Variants in PDCD4 observed in about 807,000 individuals in gnomAD.
PDCD4 encodes programmed cell death 4.
Under a neutral mutation model 54.0 loss-of-function variants are expected in PDCD4, and 56 were observed. The observed-to-expected ratio is 1.04, with a 90% CI of 0.84 to 1.30. PDCD4 has a LOEUF of 1.30. Ranked by LOEUF, PDCD4 falls within the 50% of genes most tolerant of loss-of-function variation. The pLI is 0.00. For missense variants in PDCD4, 584 were observed against 559.8 expected (o/e 1.04, Z -0.44); for synonymous variants, 186 against 194.8 (o/e 0.95, Z 0.37).
intron 8 of PDCD4, among the ~76,000 whole-genome samples, chr10:110,891,875 G>A (rs186428528): frequency 6.6e-6 from 1 of 152,270 alleles, no homozygotes. Flanking sequence ...AGGCAGGAAA[G>A]ATAAAAGGCA....
At position 110,897,910 on chromosome 10, in the gene PDCD4, G is replaced by A. The variant is rs1845868589; in HGVS notation, c.1350-118G>A. On this transcript the variant is annotated intron_variant, in intron 11 of 11. Transcript: ENST00000280154. ...TAGAGGCATGCTTTTTTTTTTTAAT[G>A]GAAAACCCTTTAAAAGCTAACACGT... 1.1e-5 allele frequency: 6 copies of A among 530,594 alleles called. No homozygotes were observed. In the Admixed American group the frequency reaches 1.8e-4, roughly 16 times the overall value. The allele number at this position is 530,594 out of a possible 1,614,324, so 32.9% of individuals were successfully genotyped here.
intron 3 of PDCD4, 26 bp downstream of exon 3, chr10:110,881,561 T>C (rs929445249): frequency 2.6e-6 from 4 of 1,567,816 alleles, no homozygotes; most frequent in Admixed American, 3.8e-5. Flanking sequence ...GTCCAACAAA[T>C]GGAAGATAAA....
intron 1 of PDCD4, 57 bp from the exon 2 acceptor site, chr10:110,875,909 T>A: frequency 1.4e-6 from 1 of 711,214 alleles, no homozygotes; most frequent in Non-Finnish European, 2.3e-6. Context: ...TTAATTCAGC[T>A]TAATTACATC....
chr10:110,894,484 T>C lies in PDCD4; in HGVS notation c.1171T>C (p.Trp391Arg). Residue 391 changes from tryptophan to arginine, a missense_variant, in exon 10 of 12, where the codon TGG (tryptophan) becomes CGG (arginine). Coordinates refer to ENST00000280154, the MANE Select transcript of PDCD4 (RefSeq NM_014456.5). ...KMILDLLKSL[W>R]KSSTITVDQM... Reference sequence around the variant, plus strand: ...GATTTTGGATTTATTAAAGTCCCTTTGGAAGTCTTCTACCATTACTGTAGA... The same window carrying C: ...GATTTTGGATTTATTAAAGTCCCTTCGGAAGTCTTCTACCATTACTGTAGA... The C allele has an allele frequency of 6.4e-7, 1 of 1,562,316 alleles. No individual in the cohort carries two copies. The highest frequency in any genetic ancestry group is 8.8e-7 in the Non-Finnish European group (1 of 1,134,708).
intron 8 of PDCD4, among the ~76,000 whole-genome samples, chr10:110,891,406 CAAAA>C (rs376743141): frequency 2.9e-5 from 2 of 68,706 alleles, no homozygotes; most frequent in Non-Finnish European, 5.0e-5. Flanking sequence ...GACTCTGTCT[CAAAA>C]AAAAAAAAAA....
chr10:110,892,122 A>G lies in PDCD4; in HGVS notation c.990+1452A>G, dbSNP rs375207112. Among the ~76,000 whole-genome samples, 27 of 152,346 alleles carry G rather than the reference A, an allele frequency of 1.8e-4. No individual in the cohort carries two copies. The East Asian group carries it at 5.0e-3, about 28-fold the overall frequency. ...TATTGCATTTGTGATAGCATCAAAA[A>G]TAAAATACTTAGGAATAAATTTAAC... is the stretch of plus-strand genomic sequence containing the variant. On this transcript the variant is annotated intron_variant, in intron 8 of 11. Coordinates refer to ENST00000280154, the MANE Select transcript of PDCD4 (RefSeq NM_014456.5).
In PDCD4 at chr10:110,894,141, T is replaced by C; in HGVS notation, c.1041T>C (p.Ala347=). Residue 347 remains alanine, a synonymous_variant, in exon 9 of 12, where the codon GCT becomes GCC. Transcript: ENST00000280154. ...EYLLSGDISE[A]EHCLKELEVP... ...TACTCTCTGGAGACATATCTGAAGC[T>C]GAACATTGCCTTAAGGAACTGGAAG... 6.2e-7 allele frequency: 1 copy of C among 1,610,226 alleles called. No homozygotes were observed.
At chr10:110,897,952 G>A (rs1845870176) in intron 11 of PDCD4, 76 bp from the exon 12 acceptor site, 3 of 1,054,848 alleles carry the variant, frequency 2.8e-6, no homozygotes, top group South Asian at 3.7e-5. Flanking sequence ...AAAATACCAA[G>A]TTTTTAATTT....
chr10:110,874,189 G>T (rs1027799805), intron 1 of PDCD4, among the ~76,000 whole-genome samples: 4 of 152,142 alleles, frequency 2.6e-5, no homozygotes, highest in Non-Finnish European at 4.4e-5. Context: ...ATACCTACCC[G>T]AAGGTTTTTC....
In PDCD4 at chr10:110,898,420, AGTGTTTTTT is replaced by A. The variant is rs1168667096; in HGVS notation, c.*335_*343del. ...ACTGCCACTCCTTTCTTTCAAGGAC[AGTGTTTTTT>A]GTAGTAAAATCACTGGTTTATACAA... is the stretch of plus-strand genomic sequence containing the variant. On this transcript the variant is annotated 3_prime_UTR_variant, in exon 12 of 12. Coordinates refer to ENST00000280154, the MANE Select transcript of PDCD4 (RefSeq NM_014456.5). The A allele has an allele frequency of 5.4e-6, 1 of 185,084 alleles. No individual in the cohort carries two copies. The highest frequency in any genetic ancestry group is 1.1e-5 in the Non-Finnish European group (1 of 89,964). The allele number at this position is 185,084 out of a possible 1,614,324, so 11.5% of individuals were successfully genotyped here.
At chr10:110,880,544 C>T (rs1845574647) in intron 2 of PDCD4, 1 of 152,176 alleles carries the variant, frequency 6.6e-6, no homozygotes, top group South Asian at 2.1e-4. Flanking sequence ...GTTGGCTTTT[C>T]TTGAAAGCAA....
intron 9 of PDCD4, 24 bp from the exon 10 acceptor site, chr10:110,894,388 T>C: frequency 8.0e-7 from 1 of 1,255,636 alleles, no homozygotes; most frequent in Non-Finnish European, 1.2e-6. Flanking sequence ...TAACCAAAAA[T>C]TCACTCATTG....
intron 11 of PDCD4, 26 bp from the exon 12 acceptor site, chr10:110,898,002 C>T: frequency 6.5e-7 from 1 of 1,533,964 alleles, no homozygotes; most frequent in Non-Finnish European, 8.9e-7. Context: ...TATCTGTTTT[C>T]ATGTCTTTTT....
At chr10:110,883,156 T>C (rs1366171558) in intron 4 of PDCD4, 59 bp downstream of exon 4, 3 of 1,121,728 alleles carry the variant, frequency 2.7e-6, no homozygotes, top group African/African-American at 1.6e-5. Context: ...TTTGACTTCA[T>C]GTTTGTAGTT....
chr10:110,880,107 A>G (rs1332321991), intron 2 of PDCD4, among the ~76,000 whole-genome samples: 4 of 152,236 alleles, frequency 2.6e-5, no homozygotes, highest in Non-Finnish European at 5.9e-5. Flanking sequence ...CTTTCAGGGC[A>G]AAGCCAAGTG....
intron 5 of PDCD4, among the ~76,000 whole-genome samples, chr10:110,885,568 TTTTG>T (rs796227983): frequency 1.4e-4 from 22 of 152,152 alleles, no homozygotes; most frequent in African/African-American, 5.3e-4. Flanking sequence ...CTGTGTGCCA[TTTTG>T]TTCTCTGAAA....
chr10:110,889,614 G>A lies in PDCD4; in HGVS notation c.859G>A (p.Asp287Asn). 6.3e-7 allele frequency: 1 copy of A among 1,588,064 alleles called. No homozygotes were observed. Among genetic ancestry groups the A allele is most frequent in the Non-Finnish European group, 8.6e-7 (1 of 1,157,062 alleles). ...TYIDSYKGTV[D>N]CVQARAALDK... is the part of the protein sequence containing the mutation. ...TATTGATAGTTACAAAGGAACTGTA[G>A]ATTGTGTGCAGGCTAGGTAAGTAAA... The change falls in exon 7 of 12, where the codon GAT becomes AAT. Residue 287 changes from aspartate (D) to asparagine (N), a missense_variant. Coordinates refer to ENST00000280154, the MANE Select transcript of PDCD4 (RefSeq NM_014456.5).
At chr10:110,875,546 G>A (rs1415501236) in intron 1 of PDCD4, among the ~76,000 whole-genome samples, 1 of 152,018 alleles carries the variant, frequency 6.6e-6, no homozygotes, top group Non-Finnish European at 1.5e-5. Context: ...TTTTTATTTT[G>A]GAGTAGTTCT....
intron 8 of PDCD4, among the ~76,000 whole-genome samples, chr10:110,892,886 A>G (rs923122802): frequency 6.6e-6 from 1 of 152,166 alleles, no homozygotes; most frequent in Non-Finnish European, 1.5e-5. Context: ...TGAGTGCTCT[A>G]TACAGGTGTA....
Sources: allele counts gnomAD v4.1 joint callset (sites outside exome capture counted in the v4.1 genomes callset), GRCh38; gene constraint gnomAD v4.1.1; transcripts MANE v1.5; gene names NCBI Gene and HGNC (gene_info 2026-07-23, HGNC 2026-07-21).